The following ADGRV1 variants were observed in gnomAD, a reference collection of about 807,000 sequenced individuals.
The protein encoded by ADGRV1 is G-protein coupled receptor 98.
Under a neutral mutation model 596.2 loss-of-function variants are expected in ADGRV1, and 359 were observed. The observed-to-expected ratio is 0.60, with a 90% CI of 0.55 to 0.66. The LOEUF is 0.66. Among genes scored for constraint, ADGRV1 ranks in the 30% least tolerant of loss-of-function variants. ADGRV1 has a pLI of 0.00. For missense variants in ADGRV1, 7,274 were observed against 7,575.6 expected (o/e 0.96, Z 1.48); for synonymous variants, 2,681 against 2,679.2 (o/e 1.00, Z -0.02).
intron 85 of ADGRV1, among the ~76,000 whole-genome samples, chr5:91,022,826 A>C (rs1783751663): frequency 6.6e-6 from 1 of 152,110 alleles, no homozygotes; most frequent in Non-Finnish European, 1.5e-5. Flanking sequence ...GTTTCCCTTA[A>C]TGTGAGGGAT....
chr5:90,658,972 ATTGGT>A (rs1769838668), intron 21 of ADGRV1, among the ~76,000 whole-genome samples: 1 of 152,174 alleles, frequency 6.6e-6, no homozygotes, highest in South Asian at 2.1e-4. Context: ...GTTGATTCTA[ATTGGT>A]TTAGAAGGAT....
intron 83 of ADGRV1, among the ~76,000 whole-genome samples, chr5:90,887,568 T>C (rs1344506209): frequency 2.0e-5 from 3 of 152,210 alleles, no homozygotes; most frequent in Non-Finnish European, 4.4e-5. Context: ...TGATAAGCAC[T>C]GAATGCATAT....
chr5:90,744,349 G>A (rs545851677), intron 50 of ADGRV1, among the ~76,000 whole-genome samples: 45 of 152,202 alleles, frequency 3.0e-4, no homozygotes, highest in African/African-American at 1.1e-3. Context: ...ATATACTTTA[G>A]GAGTCATAAA....
At chr5:91,083,468 A>G (rs1789594999) in intron 86 of ADGRV1, among the ~76,000 whole-genome samples, 1 of 152,202 alleles carries the variant, frequency 6.6e-6, no homozygotes, top group African/African-American at 2.4e-5. Context: ...CATATTATAA[A>G]ACTCAAGTGA....
chr5:90,697,282 T>G (rs577381390), intron 34 of ADGRV1, 136 bp downstream of exon 34: 101 of 757,858 alleles, frequency 1.3e-4, no homozygotes, highest in African/African-American at 1.3e-3. Context: ...GCATAGAACT[T>G]CTTTGGGAGA....
chr5:90,619,711 A>G (rs558049033), intron 4 of ADGRV1, among the ~76,000 whole-genome samples: 1 of 151,378 alleles, frequency 6.6e-6, no homozygotes, highest in South Asian at 2.1e-4. Flanking sequence ...TTAACTCGTC[A>G]TTTAGCATTA....
intron 21 of ADGRV1, among the ~76,000 whole-genome samples, chr5:90,667,595 C>A (rs1771660421): frequency 1.3e-5 from 2 of 150,084 alleles, no homozygotes; most frequent in South Asian, 2.1e-4. Flanking sequence ...TCGTCTGAAG[C>A]CTTCTTCTCT....
chr5:90,596,836 G>A (rs953121207), intron 1 of ADGRV1, among the ~76,000 whole-genome samples: 1 of 150,684 alleles, frequency 6.6e-6, no homozygotes, highest in South Asian at 2.1e-4. Context: ...AGAGGGCGAG[G>A]GAGAGGGAGA....
intron 33 of ADGRV1, 50 bp downstream of exon 33, chr5:90,694,751 A>C: frequency 2.1e-6 from 3 of 1,422,856 alleles, no homozygotes; most frequent in Non-Finnish European, 1.9e-6. Context: ...AAGTCATCAT[A>C]GTCCATTTTT....
At chr5:90,801,741 T>C (rs1035425871) in intron 70 of ADGRV1, among the ~76,000 whole-genome samples, 37 of 152,294 alleles carry the variant, frequency 2.4e-4, no homozygotes, top group Non-Finnish European at 5.9e-5. Flanking sequence ...AATCAAGATA[T>C]GCAAAGTTTT....
rs528694848 is a variant in ADGRV1 at position 91,162,333 on chromosome 5, G to A, written c.18803-1449G>A. The stretch of plus-strand genomic sequence containing the variant: ...TCATCATGTTTCAAGGGATAGCAGA[G>A]TTGATATTGGTAGGAAGAGTGGAGG... On this transcript the variant is annotated intron_variant, in intron 89 of 89. Coordinates refer to ENST00000405460, the MANE Select transcript of ADGRV1 (RefSeq NM_032119.4). 8.5e-5 allele frequency among the ~76,000 whole-genome samples: 13 copies of A among 152,266 alleles called. No individual in the cohort carries two copies. The South Asian group carries it at 2.7e-3, about 32-fold the overall frequency.
chr5:90,580,721 T>G (rs551906322), intron 1 of ADGRV1, among the ~76,000 whole-genome samples: 32 of 152,298 alleles, frequency 2.1e-4, no homozygotes, highest in Middle Eastern at 6.8e-3. Context: ...CATTTTTTCC[T>G]TCATTTCATC....
intron 85 of ADGRV1, among the ~76,000 whole-genome samples, chr5:91,021,123 G>A (rs115912788): frequency 0.015 from 2,244 of 152,158 alleles, 48 homozygotes; most frequent in African/African-American, 0.05. Context: ...GATCCTAAGA[G>A]CAGTTATTTA....
chr5:91,003,618 G>A (rs978968195), intron 85 of ADGRV1, among the ~76,000 whole-genome samples: 76 of 152,246 alleles, frequency 5.0e-4, no homozygotes, highest in African/African-American at 1.7e-3. Flanking sequence ...AATCCTGAAC[G>A]TAATTAAATG....
intron 36 of ADGRV1, among the ~76,000 whole-genome samples, chr5:90,704,832 G>A (rs1310352066): frequency 6.7e-6 from 1 of 149,426 alleles, no homozygotes; most frequent in Non-Finnish European, 1.5e-5. Flanking sequence ...TTTTTTTTGC[G>A]ACAGGGTCTC....
chr5:90,684,331 T>G, intron 28 of ADGRV1, 136 bp downstream of exon 28: 1 of 812,220 alleles, frequency 1.2e-6, no homozygotes, highest in Non-Finnish European at 1.8e-6. Flanking sequence ...TACAACAGTT[T>G]ACCTGTAAGG....
chr5:91,084,063 T>A (rs542591019), intron 86 of ADGRV1, among the ~76,000 whole-genome samples: 37 of 152,284 alleles, frequency 2.4e-4, no homozygotes, highest in African/African-American at 8.7e-4. Flanking sequence ...AGGCCACCAT[T>A]TTCCTCTCCA....
At chr5:91,025,036 T>C (rs1018263116) in intron 85 of ADGRV1, among the ~76,000 whole-genome samples, 4 of 152,140 alleles carry the variant, frequency 2.6e-5, no homozygotes, top group African/African-American at 9.7e-5. Context: ...GAAAGTTGAT[T>C]ACCTATAGCA....
At chr5:90,845,168 C>T (rs1765755507) in intron 78 of ADGRV1, among the ~76,000 whole-genome samples, 1 of 149,666 alleles carries the variant, frequency 6.7e-6, no homozygotes, top group South Asian at 2.1e-4. Context: ...GTCAGGAGCA[C>T]CTCCTAGGCT....
Sources: gnomAD v4.1 joint callset for allele counts (sites outside exome capture counted in the v4.1 genomes callset) on GRCh38, gnomAD v4.1.1 for gene constraint, MANE v1.5 for transcripts, NCBI Gene and HGNC (gene_info 2026-07-23, HGNC 2026-07-21) for gene names.